ENTREP2: variants seen among roughly 807,000 people sequenced by gnomAD.
ENTREP2 encodes the protein protein ENTREP2.
chr15:29,207,131 G>A, the ENTREP2 span, among the ~76,000 whole-genome samples: 1 of 152,228 alleles, frequency 6.6e-6, no homozygotes, highest in East Asian at 1.9e-4. Context: ...TCAAGGACTG[G>A]GCACCTTTTT....
chr15:29,634,218 G>A, the ENTREP2 span, among the ~76,000 whole-genome samples: 1 of 152,098 alleles, frequency 6.6e-6, no homozygotes, highest in Non-Finnish European at 1.5e-5. Flanking sequence ...GGATTAGCCG[G>A]TTTGCCAGAC....
At chr15:29,318,833 C>A in the ENTREP2 span, among the ~76,000 whole-genome samples, 1 of 152,144 alleles carries the variant, frequency 6.6e-6, no homozygotes, top group East Asian at 1.9e-4. Context: ...TGGCTTAGTG[C>A]AAAAGATGAA....
At chr15:29,536,123 C>T in the ENTREP2 span, among the ~76,000 whole-genome samples, 1 of 152,148 alleles carries the variant, frequency 6.6e-6, no homozygotes, top group Non-Finnish European at 1.5e-5. Context: ...ATTCCCCTTG[C>T]CAGTGATTGG....
the ENTREP2 span, among the ~76,000 whole-genome samples, chr15:29,158,405 CTT>C: frequency 0.5 from 66,629 of 133,356 alleles, 16,574 homozygotes; most frequent in East Asian, 0.68. Context: ...TTATCTCTGC[CTT>C]TTTTTTTTTT....
the ENTREP2 span, among the ~76,000 whole-genome samples, chr15:29,403,298 C>T: frequency 6.6e-6 from 1 of 152,090 alleles, no homozygotes; most frequent in East Asian, 1.9e-4. Context: ...CCTCTGCCCC[C>T]CTCCCTTTCT....
chr15:29,633,537 C>T, the ENTREP2 span, among the ~76,000 whole-genome samples: 8 of 151,612 alleles, frequency 5.3e-5, no homozygotes, highest in South Asian at 1.5e-3. Flanking sequence ...CCAGCTGAAC[C>T]AGGAAAGGAG....
the ENTREP2 span, among the ~76,000 whole-genome samples, chr15:29,573,239 C>T: frequency 5.9e-5 from 9 of 152,250 alleles, no homozygotes; most frequent in South Asian, 1.2e-3. Context: ...GATCTACTTT[C>T]GCTGTAAAAT....
At chr15:29,407,369 G>A in the ENTREP2 span, among the ~76,000 whole-genome samples, 31 of 152,154 alleles carry the variant, frequency 2.0e-4, no homozygotes, top group African/African-American at 7.0e-4. Flanking sequence ...TTGGTGTGTG[G>A]TGTACGACTG....
chr15:29,625,675 A>G, the ENTREP2 span, among the ~76,000 whole-genome samples: 1 of 152,158 alleles, frequency 6.6e-6, no homozygotes, highest in Non-Finnish European at 1.5e-5. Context: ...GATTACAGGC[A>G]TGAGCCTCCA....
At chr15:29,483,892 C>A in the ENTREP2 span, among the ~76,000 whole-genome samples, 1 of 152,074 alleles carries the variant, frequency 6.6e-6, no homozygotes, top group Admixed American at 6.5e-5. Flanking sequence ...TGGAAACTGC[C>A]TATCTGGCTA....
chr15:29,208,058 T>G, the ENTREP2 span, among the ~76,000 whole-genome samples: 797 of 152,230 alleles, frequency 5.2e-3, 10 homozygotes, highest in African/African-American at 0.018. Context: ...ATGCCGGGAC[T>G]TCTGAGAACT....
the ENTREP2 span, among the ~76,000 whole-genome samples, chr15:29,650,828 G>C: frequency 1.3e-5 from 2 of 152,070 alleles, no homozygotes; most frequent in Non-Finnish European, 2.9e-5. Context: ...GAGCAACATA[G>C]CAAGACCCTG....
chr15:29,441,378 G>A, the ENTREP2 span, among the ~76,000 whole-genome samples: 31,040 of 151,992 alleles, frequency 0.2, 4,112 homozygotes, highest in African/African-American at 0.38. Context: ...GATGAAAAGC[G>A]TTCTGTGGAT....
the ENTREP2 span, among the ~76,000 whole-genome samples, chr15:29,120,030 G>T: frequency 6.6e-6 from 1 of 152,384 alleles, no homozygotes; most frequent in East Asian, 1.9e-4. Context: ...GGGCTGCCAT[G>T]GCCAGCGTGG....
the ENTREP2 span, among the ~76,000 whole-genome samples, chr15:29,626,809 A>G: frequency 6.6e-6 from 1 of 152,132 alleles, no homozygotes; most frequent in African/African-American, 2.4e-5. Context: ...GATCTTACTC[A>G]AGTTTAGGAG....
At chr15:29,636,296 C>T in the ENTREP2 span, among the ~76,000 whole-genome samples, 1 of 152,166 alleles carries the variant, frequency 6.6e-6, no homozygotes, top group African/African-American at 2.4e-5. Context: ...GCCAATGGAA[C>T]GTTAGCAGTT....
the ENTREP2 span, among the ~76,000 whole-genome samples, chr15:29,570,341 A>T: frequency 6.6e-6 from 1 of 151,476 alleles, no homozygotes; most frequent in Non-Finnish European, 1.5e-5. Flanking sequence ...CCCTGGAGTT[A>T]TTCTGCTCGG....
chr15:29,393,251 G>A, the ENTREP2 span, among the ~76,000 whole-genome samples: 26 of 152,302 alleles, frequency 1.7e-4, no homozygotes, highest in South Asian at 5.0e-3. Flanking sequence ...AACTTCTGTG[G>A]AGCCAAGTTG....
chr15:29,477,819 T>C, the ENTREP2 span, among the ~76,000 whole-genome samples: 1 of 151,742 alleles, frequency 6.6e-6, no homozygotes, highest in East Asian at 1.9e-4. Context: ...GTTCCCGAGG[T>C]GCACGTGGGT....
Sources: allele counts gnomAD v4.1 joint callset (sites outside exome capture counted in the v4.1 genomes callset), GRCh38; gene constraint gnomAD v4.1.1; transcripts MANE v1.5; gene names NCBI Gene and HGNC (gene_info 2026-07-23, HGNC 2026-07-21).